RGS12: variants seen among roughly 807,000 people sequenced by gnomAD.
RGS12 encodes the protein regulator of G protein signaling 12.
A neutral mutation model predicts 120.1 loss-of-function variants in RGS12; 66 were observed. The observed-to-expected ratio is 0.55, with a 90% CI of 0.45 to 0.67. The LOEUF is 0.67. RGS12 is among the 30% of genes least tolerant of loss of function. The probability of loss-of-function intolerance (pLI) is 0.00; values close to 1 mark genes in which losing one functional copy is unlikely to be tolerated. For synonymous variants in RGS12, 827 were observed against 804.7 expected (o/e 1.03, Z -0.47); for missense variants, 1,859 against 1,957.7 (o/e 0.95, Z 0.95).
chr4:3,312,043 G>T (rs754831221), intron 1 of RGS12, among the ~76,000 whole-genome samples: 2 of 152,202 alleles, frequency 1.3e-5, no homozygotes, highest in Non-Finnish European at 2.9e-5. Flanking sequence ...TGGAAGGTGT[G>T]TAGGGGGAAG....
At position 3,316,270 on chromosome 4, in the gene RGS12, T is replaced by G; in HGVS notation, c.100T>G (p.Phe34Val). 1 of 1,613,908 alleles carries G rather than the reference T, an allele frequency of 6.2e-7. No homozygotes were observed. The highest frequency in any genetic ancestry group is 8.5e-7 in the Non-Finnish European group (1 of 1,179,870). ...EVARGRAGYG[F>V]TLSGQAPCVL... The stretch of plus-strand genomic sequence containing the variant: ...TGCCCGGGGGAGGGCCGGCTACGGA[T>G]TCACGCTTTCGGGACAGGCACCCTG... The change falls in exon 2 of 18, where the codon TTC (phenylalanine) becomes GTC (valine). Residue 34 changes from phenylalanine (F) to valine (V), a missense_variant. Coordinates refer to ENST00000336727, the MANE Select transcript of RGS12 (RefSeq NM_001394154.1).
chr4:3,350,487 G>A (rs921149860), intron 3 of RGS12, among the ~76,000 whole-genome samples: 4 of 152,064 alleles, frequency 2.6e-5, no homozygotes, highest in African/African-American at 7.2e-5. Flanking sequence ...TTTGAGACCA[G>A]CCTGGGCAAC....
At chr4:3,424,610 G>A (rs1245664098) in intron 13 of RGS12, among the ~76,000 whole-genome samples, 3 of 152,358 alleles carry the variant, frequency 2.0e-5, no homozygotes, top group African/African-American at 7.2e-5. Flanking sequence ...CATGGTTGGG[G>A]GGCACCAGGG....
At chr4:3,286,877 G>C in the RGS12 span, among the ~76,000 whole-genome samples, 17 of 152,226 alleles carry the variant, frequency 1.1e-4, no homozygotes, top group Non-Finnish European at 2.2e-4. Flanking sequence ...GGTCAGCAGT[G>C]CCTGCGGGAG....
rs539078655 is a variant in RGS12 at position 3,390,803 on chromosome 4, G to A, written c.2020+4366G>A. Among the ~76,000 whole-genome samples the A allele has an allele frequency of 1.4e-4, 21 of 152,370 alleles. No individual in the cohort carries two copies. The highest frequency in any genetic ancestry group is 3.4e-3 in the Middle Eastern group (1 of 294). ...TGAGGCCTGGGGAGCTGTCACAAAC[G>A]GCTGCCTGATGGGGGAGGGTTACCG... is the stretch of plus-strand genomic sequence containing the variant. On this transcript the variant is annotated intron_variant, in intron 4 of 17. Coordinates refer to ENST00000336727, the MANE Select transcript of RGS12 (RefSeq NM_001394154.1). This position sits in a 1 kb window ranked among gnomAD's most constrained non-coding sequence, Gnocchi z 4.6.
chr4:3,388,763 TG>T (rs1431164916), intron 4 of RGS12, among the ~76,000 whole-genome samples: 2 of 151,940 alleles, frequency 1.3e-5, no homozygotes, highest in Non-Finnish European at 2.9e-5. Context: ...GGGGTCGGGG[TG>T]GGGGGGTGGT....
chr4:3,373,805 G>T lies in RGS12; in HGVS notation c.1999-12611G>T, dbSNP rs117482306. ...ATCAGCGCGTCCCACTTCAGATGCT[G>T]GTTGCAGATTCTTCTCTCGTTTTCT... On this transcript the variant is annotated intron_variant, in intron 3 of 17. Transcript: ENST00000336727. Among the ~76,000 whole-genome samples the T allele has an allele frequency of 2.5e-3, 378 of 152,326 alleles. 4 individuals carry two copies. The highest frequency in any genetic ancestry group is 0.024 in the East Asian group (122 of 5,182).
chr4:3,321,747 G>A (rs979159310), intron 2 of RGS12, among the ~76,000 whole-genome samples: 2 of 152,140 alleles, frequency 1.3e-5, no homozygotes, highest in African/African-American at 2.4e-5. Context: ...GGTGTCCAGC[G>A]CGCTCTGAGG....
intron 3 of RGS12, among the ~76,000 whole-genome samples, chr4:3,363,247 T>C (rs1300491588): frequency 6.6e-6 from 1 of 152,096 alleles, no homozygotes; most frequent in Non-Finnish European, 1.5e-5. Context: ...AATCCTAGTG[T>C]TTTTGGAATT....
chr4:3,430,087 G>C (rs758559382), intron 16 of RGS12, among the ~76,000 whole-genome samples: 1 of 152,234 alleles, frequency 6.6e-6, no homozygotes. Flanking sequence ...GAGTCCCACA[G>C]TTTCCTACTC....
intron 3 of RGS12, among the ~76,000 whole-genome samples, chr4:3,349,717 A>G (rs1714178514): frequency 1.3e-5 from 2 of 152,254 alleles, no homozygotes; most frequent in South Asian, 4.2e-4. Flanking sequence ...ATAGATGAGA[A>G]CCATTTTATA....
chr4:3,349,095 C>CTGT (rs1216687957), intron 3 of RGS12, among the ~76,000 whole-genome samples: 1 of 152,192 alleles, frequency 6.6e-6, no homozygotes, highest in African/African-American at 2.4e-5. Flanking sequence ...CAGGAAAACC[C>CTGT]TGTTGTTCTA....
chr4:3,412,360 G>A (rs1000547506), intron 4 of RGS12, among the ~76,000 whole-genome samples: 18 of 152,358 alleles, frequency 1.2e-4, no homozygotes, highest in African/African-American at 3.1e-4. Context: ...CCTACAGCAC[G>A]TCTGCAGACT....
Position 3,327,633 on chromosome 4 carries a change from AAAG to A in RGS12, c.1881+9587_1881+9589del, listed in dbSNP as rs549072366. 1.6e-4 allele frequency among the ~76,000 whole-genome samples: 25 copies of A among 152,362 alleles called. No homozygotes were observed. The South Asian group carries it at 2.9e-3, about 18-fold the overall frequency. On this transcript the variant is annotated intron_variant, in intron 2 of 17. Transcript: ENST00000336727. ...AAAGGATACGAATAGACATTTTTCAAAAGAAGATATACAAACGTTCAACAGGCA... is the reference window on the plus strand; with the variant it reads ...AAAGGATACGAATAGACATTTTTCAAAAGATATACAAACGTTCAACAGGCA...
intron 3 of RGS12, among the ~76,000 whole-genome samples, chr4:3,361,085 G>A (rs562441936): frequency 3.9e-5 from 6 of 152,316 alleles, no homozygotes; most frequent in Admixed American, 2.0e-4. Context: ...TGGGATGCTC[G>A]GTGGCTGTAG....
rs758987312 is a variant in RGS12 at position 3,390,837 on chromosome 4, G to T, written c.2020+4400G>T. Among the ~76,000 whole-genome samples, 1 of 152,154 alleles carries T rather than the reference G, an allele frequency of 6.6e-6. No homozygotes were observed. Among genetic ancestry groups the T allele is most frequent in the Non-Finnish European group, 1.5e-5 (1 of 68,028 alleles). ...ATGGGGGAGGGTTACCGTAATTGCCGGATTAACTTGGGGGACTTTAAACTG... is the reference window on the plus strand; with the variant it reads ...ATGGGGGAGGGTTACCGTAATTGCCTGATTAACTTGGGGGACTTTAAACTG... On this transcript the variant is annotated intron_variant, in intron 4 of 17. Transcript: ENST00000336727. The surrounding 1 kb of genome is among the most constrained non-coding windows in gnomAD (Gnocchi z 4.6).
In RGS12 at chr4:3,365,651, A is replaced by G. The variant is rs915084083; in HGVS notation, c.1999-20765A>G. Among the ~76,000 whole-genome samples the G allele has an allele frequency of 6.6e-6, 1 of 152,156 alleles. No individual in the cohort carries two copies. The highest frequency in any genetic ancestry group is 2.4e-5 in the African/African-American group (1 of 41,436). On this transcript the variant is annotated intron_variant, in intron 3 of 17. Transcript: ENST00000336727. This position sits in a 1 kb window ranked among gnomAD's most constrained non-coding sequence, Gnocchi z 4.0. ...TCTGGGACGACGTGCCGCACGTCAC[A>G]TTGTGTAGGAATGAGATCCTCACAG...
intron 1 of RGS12, among the ~76,000 whole-genome samples, chr4:3,304,278 CTA>C (rs1723853938): frequency 6.6e-6 from 1 of 152,226 alleles, no homozygotes; most frequent in Non-Finnish European, 1.5e-5. Context: ...TATTCAAAAA[CTA>C]TGCATATTTA....
chr4:3,364,252 G>T (rs1716050419), intron 3 of RGS12, among the ~76,000 whole-genome samples: 2 of 152,176 alleles, frequency 1.3e-5, no homozygotes, highest in African/African-American at 4.8e-5. Context: ...CTGGCTGCAC[G>T]TCGGGGCTCC....
Sources: gnomAD v4.1 joint callset for allele counts (sites outside exome capture counted in the v4.1 genomes callset) on GRCh38, gnomAD v4.1.1 for gene constraint, Gnocchi (gnomAD v3.1) non-coding constraint, MANE v1.5 for transcripts, NCBI Gene and HGNC (gene_info 2026-07-23, HGNC 2026-07-21) for gene names.